The following PYGL variants were observed in gnomAD, a reference collection of about 807,000 sequenced individuals.
The protein encoded by PYGL is glycogen phosphorylase L, also known as glycogen phosphorylase, liver form.
In PYGL, 90 loss-of-function variants were observed where a neutral mutation model predicts 100.1. The ratio of observed to expected loss-of-function variants is 0.90; its 90% CI spans 0.76 to 1.07. The LOEUF is 1.07. Ranked by LOEUF, PYGL falls within the 50% of genes least tolerant of loss-of-function variation. The pLI is 0.00. For missense variants in PYGL, 1,016 were observed against 1,057.6 expected (o/e 0.96, Z 0.55); for synonymous variants, 373 against 393.0 (o/e 0.95, Z 0.60).
intron 7 of PYGL, 100 bp downstream of exon 7, chr14:50,920,441 G>A (rs2050489260): frequency 8.4e-7 from 1 of 1,184,870 alleles, no homozygotes; most frequent in Non-Finnish European, 1.3e-6. Context: ...TCTGCACATG[G>A]AAAAACATCA....
rs999256620 is a variant in PYGL at position 50,905,269 on chromosome 14, C to T, written c.*123G>A. On this transcript the variant is annotated 3_prime_UTR_variant, in exon 20 of 20. Transcript: ENST00000216392. ...TTAAGCTCTATTACATATAATTTCCCTCCCCATTCCCAGAGATACTCAACT... is the reference window on the plus strand; with the variant it reads ...TTAAGCTCTATTACATATAATTTCCTTCCCCATTCCCAGAGATACTCAACT... 1.4e-5 allele frequency: 14 copies of T among 1,032,726 alleles called. No homozygotes were observed. The highest frequency in any genetic ancestry group is 1.8e-5 in the Non-Finnish European group (12 of 684,484). The allele number at this position is 1,032,726 out of a possible 1,614,324, so 64.0% of individuals were successfully genotyped here.
chr14:50,912,384 A>G, intron 13 of PYGL, 81 bp from the exon 14 acceptor site: 2 of 1,519,436 alleles, frequency 1.3e-6, no homozygotes, highest in Non-Finnish European at 9.0e-7. Context: ...TTTGAGACGG[A>G]GTCTCACTCT....
At chr14:50,914,184 T>C (rs1158900056) in intron 12 of PYGL, among the ~76,000 whole-genome samples, 1 of 152,158 alleles carries the variant, frequency 6.6e-6, no homozygotes, top group Non-Finnish European at 1.5e-5. Context: ...GCAGGACCTT[T>C]TGTTCAAAAA....
In PYGL at chr14:50,935,202, A is replaced by G; in HGVS notation, c.346-17T>C. 1 of 1,587,974 alleles carries G rather than the reference A, an allele frequency of 6.3e-7. No individual in the cohort carries two copies. The highest frequency in any genetic ancestry group is 8.6e-7 in the Non-Finnish European group (1 of 1,156,376). ...CAATCCAAGCTGGTAATGAAAGGAA[A>G]ACAATATTGGAAGCAGATAAAAATT... On this transcript the variant is annotated splice_polypyrimidine_tract_variant and intron_variant, in intron 2 of 19. Coordinates refer to ENST00000216392, the MANE Select transcript of PYGL (RefSeq NM_002863.5).
At chr14:50,928,076 C>G (rs1241840938) in intron 4 of PYGL, among the ~76,000 whole-genome samples, 1 of 152,144 alleles carries the variant, frequency 6.6e-6, no homozygotes, top group African/African-American at 2.4e-5. Flanking sequence ...AAGCGTGGAT[C>G]TGTGGAGTAA....
chr14:50,910,091 T>C lies in PYGL; in HGVS notation c.1981A>G (p.Thr661Ala), dbSNP rs142483613. ...GTGGAAATCTGCTCTGACAGATCTG[T>C]GGCTGGAATGACTGCAAGAAAGGTA... ...VSLAEKVIPA[T>A]DLSEQISTAG... Residue 661 changes from threonine to alanine, a missense_variant, in exon 17 of 20, where the codon ACA (threonine) becomes GCA (alanine). Coordinates refer to ENST00000216392, the MANE Select transcript of PYGL (RefSeq NM_002863.5). 1.4e-4 allele frequency: 226 copies of C among 1,613,642 alleles called. 1 individual carries two copies. The African/African-American group carries it at 2.7e-3, about 19-fold the overall frequency.
At chr14:50,914,925 G>A in intron 11 of PYGL, 110 bp from the exon 12 acceptor site, 4 of 822,786 alleles carry the variant, frequency 4.9e-6, no homozygotes, top group Non-Finnish European at 8.3e-6. Context: ...GCTTAGAAAG[G>A]TTAAATAAAG....
At chr14:50,935,320 GC>G in intron 2 of PYGL, 135 bp from the exon 3 acceptor site, 1 of 744,262 alleles carries the variant, frequency 1.3e-6, no homozygotes. Flanking sequence ...CTCCCTTGCA[GC>G]TTGTTCTGGC....
At chr14:50,935,395 T>A (rs2050646006) in intron 2 of PYGL, among the ~76,000 whole-genome samples, 1 of 152,214 alleles carries the variant, frequency 6.6e-6, no homozygotes, top group African/African-American at 2.4e-5. Context: ...GAGAAAAGTG[T>A]AAGCTCTAAA....
Position 50,944,447 on chromosome 14 carries a change from A to G in PYGL, c.-44T>C, listed in dbSNP as rs747033305. On this transcript the variant is annotated 5_prime_UTR_variant, in exon 1 of 20. Transcript: ENST00000216392. Reference sequence around the variant, plus strand: ...CGCGGCGGGCTGCGCAGAGAGCTGGAAGTGCGGCCGGAGGCGCTGGGCTGC... The same window carrying G: ...CGCGGCGGGCTGCGCAGAGAGCTGGGAGTGCGGCCGGAGGCGCTGGGCTGC... 6.4e-7 allele frequency: 1 copy of G among 1,557,514 alleles called. No individual in the cohort carries two copies. Among genetic ancestry groups the G allele is most frequent in the Non-Finnish European group, 8.7e-7 (1 of 1,155,046 alleles).
At chr14:50,924,534 A>T (rs1161030868) in intron 4 of PYGL, among the ~76,000 whole-genome samples, 1 of 152,210 alleles carries the variant, frequency 6.6e-6, no homozygotes, top group Non-Finnish European at 1.5e-5. Flanking sequence ...TGAGTCCTAC[A>T]CAAAGGGTTC....
chr14:50,912,233 A>G lies in PYGL; in HGVS notation c.1691T>C (p.Phe564Ser). 6.2e-7 allele frequency: 1 copy of G among 1,614,056 alleles called. No individual in the cohort carries two copies. Among genetic ancestry groups the G allele is most frequent in the Non-Finnish European group, 8.5e-7 (1 of 1,179,926 alleles). The change falls in exon 14 of 20, where the codon TTT (phenylalanine) becomes TCT (serine). Residue 564 changes from phenylalanine to serine, a missense_variant. By Grantham distance (155) the Phe-to-Ser change is radical (BLOSUM62 -2). Coordinates refer to ENST00000216392, the MANE Select transcript of PYGL (RefSeq NM_002863.5). ...ATGTATCCTCTTCACCTGGACATCAAACATGGAGGATGGGTTGATCTTCAC... is the reference window on the plus strand; with the variant it reads ...ATGTATCCTCTTCACCTGGACATCAGACATGGAGGATGGGTTGATCTTCAC... ...YKVKINPSSMFDVQVKRIHEY... is the reference protein window; with the variant it reads ...YKVKINPSSMSDVQVKRIHEY...
chr14:50,930,582 C>A (rs1349848845), intron 4 of PYGL, among the ~76,000 whole-genome samples: 1 of 152,136 alleles, frequency 6.6e-6, no homozygotes, highest in Non-Finnish European at 1.5e-5. Flanking sequence ...CTCATCAAAC[C>A]AAATTTTTTA....
intron 11 of PYGL, 107 bp from the exon 12 acceptor site, chr14:50,914,922 A>C: frequency 1.2e-6 from 1 of 837,850 alleles, no homozygotes; most frequent in Non-Finnish European, 2.0e-6. Context: ...CAGGCTTAGA[A>C]AGGTTAAATA....
At chr14:50,941,045 A>G (rs1596054781) in intron 1 of PYGL, among the ~76,000 whole-genome samples, 1 of 152,346 alleles carries the variant, frequency 6.6e-6, no homozygotes, top group Admixed American at 6.5e-5. Context: ...GAACAGGCCC[A>G]CCTGGACTGA....
At chr14:50,924,925 C>T (rs1396002030) in intron 4 of PYGL, among the ~76,000 whole-genome samples, 1 of 152,198 alleles carries the variant, frequency 6.6e-6, no homozygotes, top group Non-Finnish European at 1.5e-5. Flanking sequence ...ACCACCACCA[C>T]CAAACACATT....
At chr14:50,927,903 T>G (rs2050567185) in intron 4 of PYGL, among the ~76,000 whole-genome samples, 1 of 152,116 alleles carries the variant, frequency 6.6e-6, no homozygotes, top group Non-Finnish European at 1.5e-5. Flanking sequence ...CAAATTGATC[T>G]GTAAATTTAG....
chr14:50,925,863 GGA>G (rs1287163448), intron 4 of PYGL, among the ~76,000 whole-genome samples: 2 of 152,132 alleles, frequency 1.3e-5, no homozygotes, highest in Non-Finnish European at 1.5e-5. Flanking sequence ...AGGGAAGGCT[GGA>G]GAGAGATCTG....
chr14:50,934,447 C>T (rs747226055), intron 3 of PYGL, among the ~76,000 whole-genome samples: 7 of 152,018 alleles, frequency 4.6e-5, no homozygotes, highest in Non-Finnish European at 8.8e-5. Flanking sequence ...AGTAAAGACA[C>T]TACTTTTGAC....
Sources: allele counts gnomAD v4.1 joint callset (sites outside exome capture counted in the v4.1 genomes callset), GRCh38; gene constraint gnomAD v4.1.1; transcripts MANE v1.5; gene names NCBI Gene and HGNC (gene_info 2026-07-23, HGNC 2026-07-21).